ABLIM2: variants seen among roughly 807,000 people sequenced by gnomAD.
ABLIM2 encodes actin-binding LIM protein 2.
Under a neutral mutation model 97.7 loss-of-function variants are expected in ABLIM2, and 53 were observed. The observed-to-expected ratio is 0.54, with a 90% confidence interval of 0.44 to 0.68. The LOEUF (loss-of-function observed/expected upper bound fraction) is 0.68, where lower values mean the gene tolerates loss of function less well. Among genes scored for constraint, ABLIM2 ranks in the 30% least tolerant of loss-of-function variants. The probability of loss-of-function intolerance (pLI) is 0.00; values close to 1 mark genes in which losing one functional copy is unlikely to be tolerated. For missense variants in ABLIM2, 835 were observed against 867.2 expected, an observed-to-expected ratio of 0.96 and a Z score of 0.47; for synonymous variants, 361 against 345.8, an observed-to-expected ratio of 1.04 and a Z score of -0.49.
intron 1 of ABLIM2, among the ~76,000 whole-genome samples, chr4:8,119,289 C>A (rs1323094125): frequency 2.1e-5 from 3 of 145,180 alleles, no homozygotes; most frequent in Admixed American, 6.9e-5. Context: ...CTGGAGAGGG[C>A]GTGTAGTCTT....
intron 1 of ABLIM2, among the ~76,000 whole-genome samples, chr4:8,134,877 G>A (rs1473993974): frequency 6.6e-6 from 1 of 152,266 alleles, no homozygotes; most frequent in African/African-American, 2.4e-5. Context: ...CTATTTGCAT[G>A]TGGGTGCAAA....
In ABLIM2 at chr4:8,080,683, T is replaced by G; in HGVS notation, c.574A>C (p.Ile192Leu). The G allele has an allele frequency of 1.9e-6, 3 of 1,605,682 alleles. No homozygotes were observed. Among genetic ancestry groups the G allele is most frequent in the African/African-American group, 1.3e-5 (1 of 74,916 alleles). ...SCGKLLNAEY[I>L]SKDGLPYCEA... ...AGCCCTCCCCCCACTTACTTGCTGATGTACTCGGCATTCAGGAGCTTCCCA... is the reference window on the plus strand; with the variant it reads ...AGCCCTCCCCCCACTTACTTGCTGAGGTACTCGGCATTCAGGAGCTTCCCA... The change falls in exon 5 of 21, where the codon ATC becomes CTC. Residue 192 changes from isoleucine to leucine, a missense_variant. Ile to Leu is a conservative substitution (Grantham distance 5). Coordinates refer to ENST00000447017, the MANE Select transcript of ABLIM2 (RefSeq NM_001130083.2).
At chr4:8,049,508 G>A (rs988443626) in intron 8 of ABLIM2, among the ~76,000 whole-genome samples, 9 of 152,178 alleles carry the variant, frequency 5.9e-5, no homozygotes, top group Non-Finnish European at 8.8e-5. Context: ...GGAAGCGGGG[G>A]TCAGACATGC....
chr4:8,112,599 C>G lies in ABLIM2; in HGVS notation c.11-5962G>C, dbSNP rs1840890888. The stretch of plus-strand genomic sequence containing the variant: ...TGAGGTCTACTCGAGGTTTCCCAGT[C>G]CAGAGCGGGAGTCCACAAGCATTTT... On this transcript the variant is annotated intron_variant, in intron 1 of 20. Coordinates refer to ENST00000447017, the MANE Select transcript of ABLIM2 (RefSeq NM_001130083.2). This position sits in a 1 kb window ranked among gnomAD's most constrained non-coding sequence, Gnocchi z 4.2. Among the ~76,000 whole-genome samples, 2 of 152,242 alleles carry G rather than the reference C, an allele frequency of 1.3e-5. No homozygotes were observed. Among genetic ancestry groups the G allele is most frequent in the South Asian group, 2.1e-4 (1 of 4,818 alleles).
At position 8,029,723 on chromosome 4, in the gene ABLIM2, G is replaced by A. The variant is rs1432435013; in HGVS notation, c.1101C>T (p.Ser367=). 8 of 1,556,058 alleles carry A rather than the reference G, an allele frequency of 5.1e-6. No individual in the cohort carries two copies. Among genetic ancestry groups the A allele is most frequent in the Non-Finnish European group, 7.0e-6 (8 of 1,149,990 alleles). Residue 367 remains serine, a synonymous_variant, in exon 11 of 21, where the codon TCC becomes TCT. Transcript: ENST00000447017. ...AGCGCCCGAGGCTAACCGACCCAGTGGAGCTTGGGCTGGAGGTCCGACACT... is the reference window on the plus strand; with the variant it reads ...AGCGCCCGAGGCTAACCGACCCAGTAGAGCTTGGGCTGGAGGTCCGACACT... ...YKQCRTSSPS[S]TGSVSLGRYT...
chr4:8,101,945 C>T (rs533108736), intron 2 of ABLIM2, among the ~76,000 whole-genome samples: 2 of 152,256 alleles, frequency 1.3e-5, no homozygotes, highest in East Asian at 1.9e-4. Flanking sequence ...GAATGAGACA[C>T]CTTCACACCC....
chr4:7,979,355 T>C (rs1736194944), intron 20 of ABLIM2, among the ~76,000 whole-genome samples: 1 of 152,242 alleles, frequency 6.6e-6, no homozygotes, highest in South Asian at 2.1e-4. Flanking sequence ...TTCTCCCTCC[T>C]GCTCAGCCCC....
At chr4:8,078,200 C>T (rs1056894401) in intron 5 of ABLIM2, among the ~76,000 whole-genome samples, 3 of 152,206 alleles carry the variant, frequency 2.0e-5, no homozygotes, top group East Asian at 3.8e-4. Context: ...TTTACTGTCC[C>T]CCCTGCATCC....
chr4:8,028,734 C>T (rs553395857), intron 11 of ABLIM2, among the ~76,000 whole-genome samples: 2 of 152,066 alleles, frequency 1.3e-5, no homozygotes, highest in South Asian at 4.1e-4. Flanking sequence ...CATGCACTCA[C>T]TCACTCATTC....
Position 8,130,099 on chromosome 4 carries a change from T to C in ABLIM2, c.11-23462A>G, listed in dbSNP as rs1481241191. ...CCAGCCTGCTGTTCACCCCTAAGCA[T>C]CTAGTTTATTCAAAGGCAGCCCCCA... is the stretch of plus-strand genomic sequence containing the variant. On this transcript the variant is annotated intron_variant, in intron 1 of 20. Transcript: ENST00000447017. The surrounding 1 kb of genome is among the most constrained non-coding windows in gnomAD (Gnocchi z 4.2). Among the ~76,000 whole-genome samples the C allele has an allele frequency of 2.0e-5, 3 of 152,096 alleles. No individual in the cohort carries two copies. Among genetic ancestry groups the C allele is most frequent in the Non-Finnish European group, 4.4e-5 (3 of 68,002 alleles).
At chr4:7,990,699 G>T (rs1328580519) in intron 17 of ABLIM2, among the ~76,000 whole-genome samples, 2 of 152,132 alleles carry the variant, frequency 1.3e-5, no homozygotes, top group Non-Finnish European at 2.9e-5. Context: ...CAACAGGGCA[G>T]GGGCACGCAC....
chr4:8,092,471 G>A (rs968690404), intron 3 of ABLIM2, among the ~76,000 whole-genome samples: 3 of 152,172 alleles, frequency 2.0e-5, no homozygotes, highest in Non-Finnish European at 4.4e-5. Flanking sequence ...ATGTAAAACA[G>A]AATGGCGTAT....
rs1243944621 is a variant in ABLIM2, at chr4:8,080,814, A to G, written c.455-12T>C. 6.3e-7 allele frequency: 1 copy of G among 1,599,418 alleles called. No individual in the cohort carries two copies. Among genetic ancestry groups the G allele is most frequent in the Non-Finnish European group, 8.5e-7 (1 of 1,170,786 alleles). ...GCAGCCCCCACAACCTGGAAGAAAGAGAAGAGAACACAGACACCCCCACCA... is the reference window on the plus strand; with the variant it reads ...GCAGCCCCCACAACCTGGAAGAAAGGGAAGAGAACACAGACACCCCCACCA... On this transcript the variant is annotated splice_polypyrimidine_tract_variant and intron_variant, in intron 4 of 20. Coordinates refer to ENST00000447017, the MANE Select transcript of ABLIM2 (RefSeq NM_001130083.2).
chr4:8,090,866 C>T (rs977261135), intron 3 of ABLIM2, among the ~76,000 whole-genome samples: 1 of 152,108 alleles, frequency 6.6e-6, no homozygotes, highest in Non-Finnish European at 1.5e-5. Flanking sequence ...ATCACAACAG[C>T]CATTCCATGC....
intron 1 of ABLIM2, among the ~76,000 whole-genome samples, chr4:8,144,067 G>A (rs573978813): frequency 6.6e-6 from 1 of 152,288 alleles, no homozygotes; most frequent in Admixed American, 6.5e-5. Flanking sequence ...GGGGCCGGCT[G>A]TAGCCTGATG....
intron 9 of ABLIM2, among the ~76,000 whole-genome samples, chr4:8,038,664 T>A (rs2151521272): frequency 6.6e-6 from 1 of 152,214 alleles, no homozygotes; most frequent in Admixed American, 6.5e-5. Context: ...ACCCTGACAT[T>A]TGTGATATGC....
At chr4:8,107,454 T>C (rs1010433291) in intron 1 of ABLIM2, among the ~76,000 whole-genome samples, 2 of 152,232 alleles carry the variant, frequency 1.3e-5, no homozygotes, top group African/African-American at 4.8e-5. Context: ...GTGGCCGAGC[T>C]GGCATCGCTT....
At position 8,113,633 on chromosome 4, in the gene ABLIM2, A is replaced by G. The variant is rs1400731; in HGVS notation, c.11-6996T>C. ...TCACACAGGGGAAAACTTGGGGTCC[A>G]CCCATGGCAGGGGTTCTCATCGGAG... On this transcript the variant is annotated intron_variant, in intron 1 of 20. Coordinates refer to ENST00000447017, the MANE Select transcript of ABLIM2 (RefSeq NM_001130083.2). The surrounding 1 kb of genome is among the most constrained non-coding windows in gnomAD (Gnocchi z 4.5). Among the ~76,000 whole-genome samples the G allele has an allele frequency of 0.72, 109,327 of 152,098 alleles. 40,271 individuals are homozygous for G. The highest frequency in any genetic ancestry group is 0.94 in the South Asian group (4,512 of 4,822).
At chr4:8,151,797 G>A (rs894980357) in intron 1 of ABLIM2, among the ~76,000 whole-genome samples, 5 of 151,636 alleles carry the variant, frequency 3.3e-5, no homozygotes, top group South Asian at 2.1e-4. Context: ...GTGTAAGCAG[G>A]GGGAGAGGCA....
Sources: allele counts gnomAD v4.1 joint callset (sites outside exome capture counted in the v4.1 genomes callset), GRCh38; gene constraint gnomAD v4.1.1; non-coding constraint Gnocchi (gnomAD v3.1); transcripts MANE v1.5; gene names NCBI Gene and HGNC (gene_info 2026-07-23, HGNC 2026-07-21).